GAL: variants seen among roughly 807,000 people sequenced by gnomAD.
GAL encodes galanin and GMAP prepropeptide, also known as galanin peptides.
In GAL, 14 loss-of-function variants were observed where a neutral mutation model predicts 15.8. The observed-to-expected ratio is 0.89, with a 90% confidence interval of 0.59 to 1.39. The LOEUF is 1.39. GAL is among the 40% of genes most tolerant of loss of function. GAL has a pLI of 0.00. For missense variants in GAL, 176 were observed against 170.4 expected, an observed-to-expected ratio of 1.03 and a Z score of -0.18; for synonymous variants, 79 against 73.8, an observed-to-expected ratio of 1.07 and a Z score of -0.36.
At position 68,684,917 on chromosome 11, in the gene GAL, CT is replaced by C; in HGVS notation, c.1-5del. 1 of 1,598,308 alleles carries C rather than the reference CT, an allele frequency of 6.3e-7. No individual in the cohort carries two copies. On this transcript the variant is annotated splice_region_variant and splice_polypyrimidine_tract_variant and intron_variant, in intron 1 of 5. Transcript: ENST00000265643. ...TCCGACCCGCCCGCCCTGTCCTTCC[CT>C]TCCAGATGGCCCGAGGCAGCGCCCT...
At position 68,688,019 on chromosome 11, in the gene GAL, G is replaced by A. The variant is rs541536020; in HGVS notation, c.142G>A (p.Val48Ile). 6.7e-5 allele frequency: 108 copies of A among 1,607,692 alleles called. 1 individual carries two copies. The South Asian group carries it at 6.8e-4, about 10-fold the overall frequency. The change falls in exon 4 of 6, where the codon GTT becomes ATT. Residue 48 changes from valine (V) to isoleucine (I), a missense_variant. By Grantham distance (29) the Val-to-Ile change is conservative (BLOSUM62 3). Coordinates refer to ENST00000265643, the MANE Select transcript of GAL (RefSeq NM_015973.5). ...SAGYLLGPHA[V>I]GNHRSFSDKN... is the part of the protein sequence containing the mutation. ...CCTCTCTGATCTGCAAACAGATGCC[G>A]TTGGCAACCACAGGTCATTCAGCGA...
chr11:68,685,005 G>C lies in GAL; in HGVS notation c.81+1G>C, dbSNP rs1387352844. ...TGCCTCTGCGGGGCTCTGGTCGCCGGTAAGTGCGGGGCGCGTCTCCTCCGA... is the reference window on the plus strand; with the variant it reads ...TGCCTCTGCGGGGCTCTGGTCGCCGCTAAGTGCGGGGCGCGTCTCCTCCGA... On this transcript the variant is annotated splice_donor_variant, in intron 2 of 5. Transcript: ENST00000265643. LOFTEE classifies it high-confidence loss of function. 6.3e-7 allele frequency: 1 copy of C among 1,586,754 alleles called. No individual in the cohort carries two copies. Among genetic ancestry groups the C allele is most frequent in the African/African-American group, 1.3e-5 (1 of 74,444 alleles).
chr11:68,690,520 GTT>G (rs1407205961), intron 5 of GAL, among the ~76,000 whole-genome samples: 1 of 152,144 alleles, frequency 6.6e-6, no homozygotes, highest in African/African-American at 2.4e-5. Context: ...AGTTCCCTCT[GTT>G]GGAGCCCAGT....
chr11:68,687,493 C>T (rs1383549368), intron 3 of GAL, among the ~76,000 whole-genome samples: 1 of 152,162 alleles, frequency 6.6e-6, no homozygotes, highest in Non-Finnish European at 1.5e-5. Context: ...GACCCTCTCG[C>T]TCCCTCTGTC....
chr11:68,686,661 G>A (rs192877438), intron 3 of GAL, among the ~76,000 whole-genome samples: 4 of 152,266 alleles, frequency 2.6e-5, no homozygotes, highest in Non-Finnish European at 5.9e-5. Flanking sequence ...CGTGCGGATC[G>A]GTCCAGGCTG....
chr11:68,689,965 C>T (rs542721268), intron 5 of GAL, among the ~76,000 whole-genome samples: 4 of 152,294 alleles, frequency 2.6e-5, no homozygotes, highest in South Asian at 2.1e-4. Context: ...AAAGCGGCCC[C>T]GGTGCTCTGA....
At chr11:68,687,596 A>T (rs1356863854) in intron 3 of GAL, among the ~76,000 whole-genome samples, 1 of 152,134 alleles carries the variant, frequency 6.6e-6, no homozygotes, top group Non-Finnish European at 1.5e-5. Flanking sequence ...TAAACTCTTC[A>T]GCGTCCCCCA....
intron 5 of GAL, among the ~76,000 whole-genome samples, chr11:68,689,540 G>A (rs913405739): frequency 2.6e-5 from 4 of 152,054 alleles, no homozygotes; most frequent in African/African-American, 9.7e-5. Context: ...GGGAAAACAG[G>A]TGCGCACAAT....
intron 5 of GAL, among the ~76,000 whole-genome samples, chr11:68,690,368 AT>A (rs1945893909): frequency 6.6e-6 from 1 of 151,684 alleles, no homozygotes; most frequent in African/African-American, 2.4e-5. Context: ...GATGTTTTTC[AT>A]TTGCAGTGTT....
chr11:68,689,614 C>T, intron 5 of GAL, among the ~76,000 whole-genome samples: 1 of 152,206 alleles, frequency 6.6e-6, no homozygotes, highest in East Asian at 1.9e-4. Flanking sequence ...CCAGGCTCAT[C>T]TTGAACTCCT....
intron 3 of GAL, among the ~76,000 whole-genome samples, chr11:68,686,481 GA>G (rs1945853547): frequency 6.6e-6 from 1 of 152,216 alleles, no homozygotes; most frequent in Non-Finnish European, 1.5e-5. Context: ...AGCAAATGGG[GA>G]GAATGGTGCT....
rs36058701 is a variant in GAL, at chr11:68,690,979, C to T, written c.364C>T (p.Arg122Trp). The T allele has an allele frequency of 1.5e-3, 2,407 of 1,608,926 alleles. 20 individuals are homozygous for T. In the African/African-American group the frequency reaches 0.028, roughly 19 times the overall value. ...CGCAGCCTCCTCAGAAGACATCGAG[C>T]GGTCCTGAGAGCCTCCTGGGCATGT... Reference protein sequence around the residue: ...PAAASSEDIERS With the variant: ...PAAASSEDIEWS Residue 122 changes from arginine to tryptophan, a missense_variant, in exon 6 of 6, where the codon CGG (arginine) becomes TGG (tryptophan). Physicochemically the swap from Arg to Trp is moderately radical, Grantham distance 101. Coordinates refer to ENST00000265643, the MANE Select transcript of GAL (RefSeq NM_015973.5).
At chr11:68,690,684 C>G (rs1945896629) in intron 5 of GAL, among the ~76,000 whole-genome samples, 1 of 152,182 alleles carries the variant, frequency 6.6e-6, no homozygotes, top group African/African-American at 2.4e-5. Flanking sequence ...GGAATTATAC[C>G]TCTTTAAAGC....
intron 5 of GAL, among the ~76,000 whole-genome samples, chr11:68,689,741 T>C (rs1304485453): frequency 6.6e-6 from 1 of 152,204 alleles, no homozygotes; most frequent in African/African-American, 2.4e-5. Context: ...GAAGCCCATA[T>C]CTTAGACTGC....
In GAL at chr11:68,691,055, T is replaced by TA; in HGVS notation, c.*68_*69insA. 1.0e-6 allele frequency: 1 copy of TA among 973,826 alleles called. No homozygotes were observed. Among genetic ancestry groups the TA allele is most frequent in the Non-Finnish European group, 1.7e-6 (1 of 599,576 alleles). The allele number at this position is 973,826 out of a possible 1,614,324, so 60.3% of individuals were successfully genotyped here. On this transcript the variant is annotated 3_prime_UTR_variant, in exon 6 of 6. Transcript: ENST00000265643. ...CAAACCTTAAGATAATGGATAATCTTCGGCCAATTTATGCAGAGTCAGCCA... is the reference window on the plus strand; with the variant it reads ...CAAACCTTAAGATAATGGATAATCTTACGGCCAATTTATGCAGAGTCAGCCA...
intron 2 of GAL, 62 bp from the exon 3 acceptor site, chr11:68,685,532 C>T: frequency 8.8e-7 from 1 of 1,139,138 alleles, no homozygotes; most frequent in South Asian, 1.2e-5. Context: ...AGCCTGGGTG[C>T]ACCCATTCAG....
intron 5 of GAL, among the ~76,000 whole-genome samples, chr11:68,689,522 A>G (rs1383214028): frequency 6.6e-6 from 1 of 151,734 alleles, no homozygotes; most frequent in Admixed American, 6.6e-5. Context: ...TCTTCTTCCC[A>G]GGTAGCTGGG....
At chr11:68,689,676 C>A (rs1382877877) in intron 5 of GAL, among the ~76,000 whole-genome samples, 1 of 152,192 alleles carries the variant, frequency 6.6e-6, no homozygotes, top group Non-Finnish European at 1.5e-5. Flanking sequence ...GGATTACAGG[C>A]GTGAGCCACT....
rs183547277 is a variant in GAL, at chr11:68,685,700, C to G, written c.136+52C>G. 9.4e-3 allele frequency: 12,607 copies of G among 1,335,420 alleles called. 103 individuals are homozygous for G. Among genetic ancestry groups the G allele is most frequent in the Middle Eastern group, 0.017 (92 of 5,558 alleles). The allele number at this position is 1,335,420 out of a possible 1,614,324, so 82.7% of individuals were successfully genotyped here. Reference sequence around the variant, plus strand: ...CACTCCTGACCCCACCTGCCCCTCGCTTTGAACCCTGGCTCCTGCCCCTCC... The same window carrying G: ...CACTCCTGACCCCACCTGCCCCTCGGTTTGAACCCTGGCTCCTGCCCCTCC... On this transcript the variant is annotated intron_variant, in intron 3 of 5. Transcript: ENST00000265643.
Sources: allele counts gnomAD v4.1 joint callset (sites outside exome capture counted in the v4.1 genomes callset), GRCh38; gene constraint gnomAD v4.1.1; transcripts MANE v1.5; gene names NCBI Gene and HGNC (gene_info 2026-07-23, HGNC 2026-07-21).